Variants in DDIAS observed in about 807,000 individuals in gnomAD.
DDIAS encodes the protein DNA damage induced apoptosis suppressor.
Under a neutral mutation model 15.7 loss-of-function variants are expected in DDIAS, and 14 were observed. The observed-to-expected ratio is 0.89, with a 90% CI of 0.59 to 1.39. The LOEUF (loss-of-function observed/expected upper bound fraction) is 1.39. DDIAS is among the 40% of genes most tolerant of loss of function. DDIAS has a pLI of 0.00. For missense variants in DDIAS, 1,035 were observed against 1,130.9 expected, an observed-to-expected ratio of 0.92 and a Z score of 1.22; for synonymous variants, 355 against 395.9, an observed-to-expected ratio of 0.90 and a Z score of 1.23.
Position 82,902,385 on chromosome 11 carries a change from AC to A in DDIAS, c.-117+571del, listed in dbSNP as rs200606706. Among the ~76,000 whole-genome samples, 353 of 134,740 alleles carry A rather than the reference AC, an allele frequency of 2.6e-3. 2 individuals are homozygous for A. The highest frequency in any genetic ancestry group is 4.8e-3 in the South Asian group (19 of 3,934). The allele number at this position is 134,740 out of a possible 152,430, so 88.4% of individuals were successfully genotyped here. ...TGACTGCTACATAGCTGTGACAGTA[AC>A]CCCCCCCTCCCCCGCCGCCCCAGCT... On this transcript the variant is annotated intron_variant, in intron 1 of 5. Coordinates refer to ENST00000533655, the MANE Select transcript of DDIAS (RefSeq NM_145018.4).
chr11:82,910,220 T>C (rs1391433713), intron 1 of DDIAS, among the ~76,000 whole-genome samples: 1 of 152,150 alleles, frequency 6.6e-6, no homozygotes, highest in Admixed American at 6.5e-5. Flanking sequence ...AGGCATGTAT[T>C]TTATGTTATA....
At chr11:82,927,637 A>T (rs201836127) in intron 3 of DDIAS, among the ~76,000 whole-genome samples, 1 of 141,030 alleles carries the variant, frequency 7.1e-6, no homozygotes, top group East Asian at 2.0e-4. Context: ...TTTCAAAAAA[A>T]TTTTTTAAAC....
Position 82,933,919 on chromosome 11 carries a change from A to AG in DDIAS, c.2582dup (p.Ser861ArgfsTer2), listed in dbSNP as rs1169323759. On this transcript the variant is annotated frameshift_variant, in exon 6 of 6. Coordinates refer to ENST00000533655, the MANE Select transcript of DDIAS (RefSeq NM_145018.4). LOFTEE classifies it low-confidence loss of function (END_TRUNC). The stretch of plus-strand genomic sequence containing the variant: ...TTTTGCTGAGTGCCATGAAACTGAT[A>AG]GTGATGAATGGGTCCCTCCTACCAC... 4.3e-6 allele frequency: 7 copies of AG among 1,613,230 alleles called. No individual in the cohort carries two copies. In the African/African-American group the frequency reaches 9.4e-5, roughly 22 times the overall value.
chr11:82,930,293 C>A lies in DDIAS; in HGVS notation c.393+19C>A, dbSNP rs770826632. On this transcript the variant is annotated intron_variant, in intron 5 of 5. Coordinates refer to ENST00000533655, the MANE Select transcript of DDIAS (RefSeq NM_145018.4). ...AGTGACGGTAATTGAGACTAGCTTT[C>A]TTTTTAATAATCTGTTAACATTTCC... The A allele has an allele frequency of 4.2e-6, 6 of 1,425,196 alleles. No homozygotes were observed. The highest frequency in any genetic ancestry group is 5.9e-6 in the Non-Finnish European group (6 of 1,023,290). 88.3% of individuals were successfully genotyped at this position (1,425,196 alleles called of 1,614,324 possible).
chr11:82,911,744 C>T (rs1860534117), intron 1 of DDIAS, among the ~76,000 whole-genome samples: 1 of 152,236 alleles, frequency 6.6e-6, no homozygotes, highest in Admixed American at 6.5e-5. Context: ...TTTCAACTTA[C>T]TTTGCCCAGA....
intron 3 of DDIAS, among the ~76,000 whole-genome samples, chr11:82,927,759 A>G (rs1295228096): frequency 1.3e-5 from 2 of 152,250 alleles, no homozygotes; most frequent in African/African-American, 4.8e-5. Context: ...TTAACAGTAC[A>G]AGTGACAGTA....
intron 1 of DDIAS, among the ~76,000 whole-genome samples, chr11:82,913,036 TG>T (rs1436851796): frequency 1.3e-5 from 2 of 152,176 alleles, no homozygotes; most frequent in Non-Finnish European, 2.9e-5. Context: ...CAAACATCAC[TG>T]ATCACAAGTC....
chr11:82,911,673 C>A (rs1220398970), intron 1 of DDIAS, among the ~76,000 whole-genome samples: 2 of 152,202 alleles, frequency 1.3e-5, no homozygotes, highest in Non-Finnish European at 2.9e-5. Flanking sequence ...ATTTTGACTT[C>A]CTCCCATAAA....
intron 1 of DDIAS, among the ~76,000 whole-genome samples, chr11:82,905,518 T>C (rs988455949): frequency 6.6e-6 from 1 of 152,164 alleles, no homozygotes; most frequent in Non-Finnish European, 1.5e-5. Context: ...GAAAATACTT[T>C]TTAAAAATAA....
intron 4 of DDIAS, 113 bp from the exon 5 acceptor site, chr11:82,930,044 T>C (rs1860950264): frequency 1.6e-6 from 1 of 610,418 alleles, no homozygotes; most frequent in Non-Finnish European, 2.8e-6. Context: ...GTCACTTTTT[T>C]TCCTCTATAA....
chr11:82,934,040 C>A lies in DDIAS; in HGVS notation c.2702C>A (p.Pro901Gln). ...AYHFPDQQEL[P>Q]RKKLKHIRQG... Reference sequence around the variant, plus strand: ...CATTTCCCTGATCAACAAGAGTTACCAAGAAAGAAACTGAAACATATTAGA... The same window carrying A: ...CATTTCCCTGATCAACAAGAGTTACAAAGAAAGAAACTGAAACATATTAGA... The change falls in exon 6 of 6, where the codon CCA becomes CAA. Residue 901 changes from proline (P) to glutamine (Q), a missense_variant. By Grantham distance (76) the Pro-to-Gln change is moderately conservative. Coordinates refer to ENST00000533655, the MANE Select transcript of DDIAS (RefSeq NM_145018.4). The A allele has an allele frequency of 6.2e-7, 1 of 1,613,608 alleles. No individual in the cohort carries two copies. The highest frequency in any genetic ancestry group is 1.6e-4 in the Middle Eastern group (1 of 6,062).
At position 82,933,063 on chromosome 11, in the gene DDIAS, A is replaced by T. The variant is rs1861035093; in HGVS notation, c.1725A>T (p.Lys575Asn). The T allele has an allele frequency of 6.2e-7, 1 of 1,603,594 alleles. No homozygotes were observed. Among genetic ancestry groups the T allele is most frequent in the Non-Finnish European group, 8.5e-7 (1 of 1,178,450 alleles). The change falls in exon 6 of 6, where the codon AAA (lysine) becomes AAT (asparagine). Residue 575 changes from lysine to asparagine, a missense_variant. Coordinates refer to ENST00000533655, the MANE Select transcript of DDIAS (RefSeq NM_145018.4). ...GTGACCATTCTAGTCTAAATAACAA[A>T]TATTTGAATGGATGTGGAGAAATAT... ...RESDHSSLNNKYLNGCGEISV... is the reference protein window; with the variant it reads ...RESDHSSLNNNYLNGCGEISV...
At chr11:82,927,937 T>C (rs932427017) in intron 3 of DDIAS, among the ~76,000 whole-genome samples, 5 of 152,172 alleles carry the variant, frequency 3.3e-5, no homozygotes, top group African/African-American at 1.2e-4. Flanking sequence ...TACATGGCAA[T>C]AGAGTTACAC....
chr11:82,901,977 T>C lies in DDIAS; in HGVS notation c.-117+155T>C, dbSNP rs536660324. ...GGGCAGCCATGAGGGTAACAGAATA[T>C]AAACGTCAGTTATTTTATTTTAGAC... is the stretch of plus-strand genomic sequence containing the variant. On this transcript the variant is annotated intron_variant, in intron 1 of 5. Coordinates refer to ENST00000533655, the MANE Select transcript of DDIAS (RefSeq NM_145018.4). Among the ~76,000 whole-genome samples the C allele has an allele frequency of 2.6e-5, 4 of 152,330 alleles. No individual in the cohort carries two copies. In the East Asian group the frequency reaches 7.7e-4, roughly 29 times the overall value.
chr11:82,906,200 C>A (rs1429396480), intron 1 of DDIAS, among the ~76,000 whole-genome samples: 2 of 152,120 alleles, frequency 1.3e-5, no homozygotes, highest in Non-Finnish European at 2.9e-5. Flanking sequence ...CTGAAACGAT[C>A]TTATTCTATT....
chr11:82,926,870 T>C (rs1250989694), intron 3 of DDIAS, among the ~76,000 whole-genome samples: 2 of 152,202 alleles, frequency 1.3e-5, no homozygotes, highest in Non-Finnish European at 2.9e-5. Flanking sequence ...TATAAAAATA[T>C]ATATAGTTTA....
rs1052306287 is a variant in DDIAS, at chr11:82,903,201, G to C, written c.-117+1379G>C. On this transcript the variant is annotated intron_variant, in intron 1 of 5. Transcript: ENST00000533655. ...AGTCTGGAAAGATGGGCAGAGACCGGATCATGGTTAGGAGGTTAATCCAGC... is the reference window on the plus strand; with the variant it reads ...AGTCTGGAAAGATGGGCAGAGACCGCATCATGGTTAGGAGGTTAATCCAGC... 4.6e-5 allele frequency among the ~76,000 whole-genome samples: 7 copies of C among 152,234 alleles called. No individual in the cohort carries two copies. The East Asian group carries it at 1.2e-3, about 25-fold the overall frequency.
intron 3 of DDIAS, among the ~76,000 whole-genome samples, chr11:82,922,455 C>G (rs185955044): frequency 2.0e-5 from 3 of 152,080 alleles, no homozygotes; most frequent in Non-Finnish European, 4.4e-5. Flanking sequence ...ATTTGAAGAC[C>G]TTGTCTTCAA....
Position 82,934,371 on chromosome 11 carries a change from C to T in DDIAS, c.*36C>T. On this transcript the variant is annotated 3_prime_UTR_variant, in exon 6 of 6. Transcript: ENST00000533655. ...GAACCCAATTCCTGAACTTTTAAATCTGTTTGGAAATGTTTGCCTTCAGGG... is the reference window on the plus strand; with the variant it reads ...GAACCCAATTCCTGAACTTTTAAATTTGTTTGGAAATGTTTGCCTTCAGGG... The T allele has an allele frequency of 6.5e-7, 1 of 1,533,540 alleles. No homozygotes were observed. The allele number at this position is 1,533,540 out of a possible 1,614,324, so 95.0% of individuals were successfully genotyped here.
Sources: gnomAD v4.1 joint callset for allele counts (sites outside exome capture counted in the v4.1 genomes callset) on GRCh38, gnomAD v4.1.1 for gene constraint, MANE v1.5 for transcripts, NCBI Gene and HGNC (gene_info 2026-07-23, HGNC 2026-07-21) for gene names.